PRKG1: variants seen among roughly 807,000 people sequenced by gnomAD.
The protein encoded by PRKG1 is cGMP-dependent protein kinase 1.
A neutral mutation model predicts 88.1 loss-of-function variants in PRKG1; 35 were observed. The ratio of observed to expected loss-of-function variants is 0.40; its 90% CI spans 0.30 to 0.53. The LOEUF (loss-of-function observed/expected upper bound fraction) is 0.53, where lower values mean the gene tolerates loss of function less well. PRKG1 is among the 20% of genes least tolerant of loss of function. The pLI is 0.59. For synonymous variants in PRKG1, 303 were observed against 292.5 expected (o/e 1.04, Z -0.37); for missense variants, 540 against 839.8 (o/e 0.64, Z 4.41).
chr10:51,009,631 AT>A (rs1215073544), intron 1 of PRKG1, among the ~76,000 whole-genome samples: 1 of 152,232 alleles, frequency 6.6e-6, no homozygotes, highest in Non-Finnish European at 1.5e-5. Flanking sequence ...TATAAAATAA[AT>A]TATACAATGG....
chr10:51,358,237 C>A (rs979462531), intron 2 of PRKG1, among the ~76,000 whole-genome samples: 4 of 151,838 alleles, frequency 2.6e-5, no homozygotes, highest in African/African-American at 4.8e-5. Flanking sequence ...CAGAGGGTCT[C>A]ATTTCCCTCC....
intron 3 of PRKG1, among the ~76,000 whole-genome samples, chr10:51,688,899 C>G (rs1267405245): frequency 2.0e-5 from 3 of 152,134 alleles, no homozygotes; most frequent in Non-Finnish European, 4.4e-5. Context: ...CCATAATTCC[C>G]ATGTGTTGTG....
chr10:51,074,875 C>G lies in PRKG1; in HGVS notation c.285C>G (p.Thr95=). 6.2e-7 allele frequency: 1 copy of G among 1,612,228 alleles called. No homozygotes were observed. Among genetic ancestry groups the G allele is most frequent in the Non-Finnish European group, 8.5e-7 (1 of 1,178,860 alleles). Residue 95 remains threonine, a synonymous_variant, in exon 1 of 18, where the codon ACC becomes ACG. Transcript: ENST00000373980. The part of the protein sequence containing the change: ...AFDIQDLSHV[T]LPFYPKSPQS... ...ACATCCAGGATCTCAGCCATGTGACCCTGCCCTTCTACCCCAAGAGCCCAC... is the reference window on the plus strand; with the variant it reads ...ACATCCAGGATCTCAGCCATGTGACGCTGCCCTTCTACCCCAAGAGCCCAC...
chr10:51,343,232 C>T (rs760842666), intron 2 of PRKG1, among the ~76,000 whole-genome samples: 3 of 152,110 alleles, frequency 2.0e-5, no homozygotes, highest in Non-Finnish European at 4.4e-5. Context: ...TCCATCCCCA[C>T]TATCACCTGA....
intron 2 of PRKG1, among the ~76,000 whole-genome samples, chr10:51,248,607 T>C (rs1839352276): frequency 6.6e-6 from 1 of 151,858 alleles, no homozygotes; most frequent in South Asian, 2.1e-4. Context: ...ATTTTTATGA[T>C]GAGAAAACTC....
intron 2 of PRKG1, among the ~76,000 whole-genome samples, chr10:51,158,339 T>C (rs558405371): frequency 7.2e-5 from 11 of 152,056 alleles, no homozygotes; most frequent in African/African-American, 2.6e-4. Flanking sequence ...CGTCTTAGCC[T>C]TGGAGTCCCC....
chr10:51,512,509 A>G (rs1281145613), intron 3 of PRKG1, among the ~76,000 whole-genome samples: 2 of 120,806 alleles, frequency 1.7e-5, no homozygotes, highest in African/African-American at 6.3e-5. Flanking sequence ...CCATGTCCCT[A>G]CAAAGGACAT....
At chr10:51,009,328 C>T (rs1842969033) in intron 1 of PRKG1, among the ~76,000 whole-genome samples, 2 of 152,108 alleles carry the variant, frequency 1.3e-5, no homozygotes, top group African/African-American at 2.4e-5. Flanking sequence ...CATTTTGAAA[C>T]ACAGTTATAT....
At chr10:52,118,926 A>G (rs566077821) in intron 7 of PRKG1, among the ~76,000 whole-genome samples, 3 of 152,136 alleles carry the variant, frequency 2.0e-5, no homozygotes, top group African/African-American at 7.2e-5. Context: ...CCTTAAAATA[A>G]CTACTTAAAA....
At chr10:51,964,105 C>T (rs1175184822) in intron 5 of PRKG1, among the ~76,000 whole-genome samples, 1 of 152,120 alleles carries the variant, frequency 6.6e-6, no homozygotes, top group Non-Finnish European at 1.5e-5. Flanking sequence ...CTATCAAAGA[C>T]CATCACTTTA....
chr10:51,278,558 A>G (rs1840198844), intron 2 of PRKG1, among the ~76,000 whole-genome samples: 2 of 152,136 alleles, frequency 1.3e-5, no homozygotes, highest in Admixed American at 6.5e-5. Context: ...CCTCTGGTAG[A>G]ATTCGGCTGT....
chr10:51,981,336 A>AGCACTTTG (rs1166222078), intron 5 of PRKG1, among the ~76,000 whole-genome samples: 1 of 152,172 alleles, frequency 6.6e-6, no homozygotes, highest in Admixed American at 6.5e-5. Flanking sequence ...CTATAATCCC[A>AGCACTTTG]GCACTTTGGG....
At chr10:51,733,520 C>T (rs1222868404) in intron 3 of PRKG1, among the ~76,000 whole-genome samples, 3 of 152,018 alleles carry the variant, frequency 2.0e-5, no homozygotes, top group African/African-American at 7.2e-5. Context: ...CTTTTTTTCT[C>T]TATATAAGAT....
intron 3 of PRKG1, among the ~76,000 whole-genome samples, chr10:51,662,497 G>C (rs559662991): frequency 6.6e-6 from 1 of 152,186 alleles, no homozygotes; most frequent in Admixed American, 6.5e-5. Context: ...ATAAGACTTA[G>C]AATTGTGGTT....
At chr10:51,893,967 C>T (rs2132913888) in intron 4 of PRKG1, among the ~76,000 whole-genome samples, 1 of 152,118 alleles carries the variant, frequency 6.6e-6, no homozygotes, top group East Asian at 1.9e-4. Context: ...GGTTACAATA[C>T]AAGTGTAAGT....
chr10:51,745,663 AG>A (rs1837557386), intron 3 of PRKG1, among the ~76,000 whole-genome samples: 1 of 152,186 alleles, frequency 6.6e-6, no homozygotes, highest in East Asian at 1.9e-4. Flanking sequence ...TAAATGCATG[AG>A]AAGGAAGGAA....
chr10:52,216,616 T>C (rs1361777992), intron 9 of PRKG1, among the ~76,000 whole-genome samples: 2 of 152,190 alleles, frequency 1.3e-5, no homozygotes, highest in Admixed American at 6.6e-5. Context: ...CTGCAGAGCA[T>C]TGTAGATAGA....
intron 8 of PRKG1, among the ~76,000 whole-genome samples, chr10:52,145,693 T>C (rs1214964121): frequency 6.6e-6 from 1 of 152,190 alleles, no homozygotes; most frequent in Non-Finnish European, 1.5e-5. Context: ...TGGAGTTAAA[T>C]GGTTTTGCTT....
chr10:51,327,018 G>A (rs1841609495), intron 2 of PRKG1, among the ~76,000 whole-genome samples: 1 of 152,132 alleles, frequency 6.6e-6, no homozygotes, highest in South Asian at 2.1e-4. Flanking sequence ...CATGTATACT[G>A]CATATGTGTC....
Sources: gnomAD v4.1 joint callset for allele counts (sites outside exome capture counted in the v4.1 genomes callset) on GRCh38, gnomAD v4.1.1 for gene constraint, MANE v1.5 for transcripts, NCBI Gene and HGNC (gene_info 2026-07-23, HGNC 2026-07-21) for gene names.